MCC: variants seen among roughly 807,000 people sequenced by gnomAD.
MCC encodes the protein MCC regulator of Wnt signaling pathway, also known as colorectal mutant cancer protein.
MCC carries 90 observed loss-of-function variants against 116.2 expected under a neutral mutation model. The ratio of observed to expected loss-of-function variants is 0.77; its 90% CI spans 0.65 to 0.92. MCC has a LOEUF of 0.92. Ranked by LOEUF, MCC falls within the 40% of genes least tolerant of loss-of-function variation. MCC has a pLI of 0.00. For missense variants in MCC, 1,516 were observed against 1,312.2 expected (o/e 1.16, Z -2.40); for synonymous variants, 578 against 510.5 (o/e 1.13, Z -1.78).
In MCC at chr5:113,434,742, C is replaced by T. The variant is rs755838825; in HGVS notation, c.171-49530G>A. The T allele has an allele frequency of 2.6e-5, 42 of 1,613,938 alleles. No individual in the cohort carries two copies. Among genetic ancestry groups the T allele is most frequent in the Admixed American group, 2.2e-4 (13 of 59,998 alleles). On this transcript the variant is annotated intron_variant, in intron 1 of 18. Transcript: ENST00000408903. The surrounding 1 kb of genome is among the most constrained non-coding windows in gnomAD (Gnocchi z 4.2). ...CTTGATCGCCACATTGAACTTCAGG[C>T]GCTCAGAGTAAGCAGATTTTACTTT...
intron 1 of MCC, among the ~76,000 whole-genome samples, chr5:113,463,702 T>C (rs1561585900): frequency 6.6e-6 from 1 of 152,178 alleles, no homozygotes; most frequent in Non-Finnish European, 1.5e-5. Flanking sequence ...GTTGGGTCAA[T>C]TAGTTATGCA....
At chr5:113,214,257 G>C (rs972361696) in intron 3 of MCC, among the ~76,000 whole-genome samples, 2 of 152,182 alleles carry the variant, frequency 1.3e-5, no homozygotes, top group Non-Finnish European at 2.9e-5. Flanking sequence ...ACGGAGCTGA[G>C]AAACAGCCCC....
intron 1 of MCC, among the ~76,000 whole-genome samples, chr5:113,389,128 C>T (rs1455867964): frequency 6.6e-6 from 1 of 152,112 alleles, no homozygotes; most frequent in African/African-American, 2.4e-5. Context: ...GATGAGAAAA[C>T]AAAGTTACAG....
At position 113,340,694 on chromosome 5, in the gene MCC, T is replaced by C. The variant is rs934640671; in HGVS notation, c.452A>G (p.Asp151Gly). The change falls in exon 3 of 19, where the codon GAC (aspartate) becomes GGC (glycine). Residue 151 changes from aspartate (D) to glycine (G), a missense_variant. Transcript: ENST00000408903. ...GCTCTGGAGGTCCCTGGCACCAGAG[T>C]CGTATTCCCAGCTCTCCCTGGCTGC... ...LSAARESWEY[D>G]SGARDLQSPD... 1 of 1,613,630 alleles carries C rather than the reference T, an allele frequency of 6.2e-7. No homozygotes were observed. The highest frequency in any genetic ancestry group is 8.5e-7 in the Non-Finnish European group (1 of 1,179,956).
At chr5:113,261,060 G>A (rs1375614974) in intron 3 of MCC, among the ~76,000 whole-genome samples, 1 of 152,112 alleles carries the variant, frequency 6.6e-6, no homozygotes, top group Non-Finnish European at 1.5e-5. Context: ...GAAAGTTGTC[G>A]ACTTACGATG....
intron 3 of MCC, among the ~76,000 whole-genome samples, chr5:113,285,262 CTTT>C (rs1211703272): frequency 6.6e-6 from 1 of 152,162 alleles, no homozygotes; most frequent in Non-Finnish European, 1.5e-5. Flanking sequence ...AAAATACCTT[CTTT>C]AACTGGCTTT....
rs574593043 is a variant in MCC, at chr5:113,167,085, C to G, written c.628-15663G>C. ...GTGCAGCCCTGCCTGGGAGTTTGGT[C>G]GGCAGCCTCTCAAGATTCATTCCAG... On this transcript the variant is annotated intron_variant, in intron 3 of 18. Coordinates refer to ENST00000408903, the MANE Select transcript of MCC (RefSeq NM_001085377.2). 2.0e-5 allele frequency among the ~76,000 whole-genome samples: 3 copies of G among 152,248 alleles called. No individual in the cohort carries two copies. The South Asian group carries it at 6.2e-4, about 32-fold the overall frequency.
chr5:113,266,116 G>GA (rs998675333), intron 3 of MCC, among the ~76,000 whole-genome samples: 1 of 152,006 alleles, frequency 6.6e-6, no homozygotes, highest in African/African-American at 2.4e-5. Flanking sequence ...CAAATGCTAG[G>GA]AAAAACTGTT....
At chr5:113,367,637 G>GA (rs141627023) in intron 2 of MCC, among the ~76,000 whole-genome samples, 2 of 95,830 alleles carry the variant, frequency 2.1e-5, no homozygotes, top group Non-Finnish European at 4.0e-5. Context: ...GGTGGGGGGG[G>GA]GGAAGAGAGA....
intron 10 of MCC, among the ~76,000 whole-genome samples, chr5:113,083,411 C>T (rs147109271): frequency 1.1e-3 from 170 of 152,306 alleles, no homozygotes; most frequent in African/African-American, 3.9e-3. Flanking sequence ...TTCATTTTCA[C>T]AATTTGGCTT....
intron 2 of MCC, among the ~76,000 whole-genome samples, chr5:113,376,576 C>T (rs7732372): frequency 0.067 from 5,142 of 77,118 alleles, 137 homozygotes; most frequent in African/African-American, 0.21. Flanking sequence ...ATATTTTATA[C>T]ACACACACAC....
At chr5:113,138,789 C>T (rs1759001698) in intron 5 of MCC, among the ~76,000 whole-genome samples, 1 of 152,130 alleles carries the variant, frequency 6.6e-6, no homozygotes. Context: ...CTCTTTTCCC[C>T]ACTGCACACT....
intron 15 of MCC, among the ~76,000 whole-genome samples, chr5:113,053,270 C>T (rs189454407): frequency 7.4e-4 from 112 of 152,268 alleles, no homozygotes; most frequent in African/African-American, 2.5e-3. Flanking sequence ...TCTGAGCAGG[C>T]TCGACATTGC....
Position 113,144,361 on chromosome 5 carries a change from G to A in MCC, c.742-1001C>T, listed in dbSNP as rs888903118. Among the ~76,000 whole-genome samples, 9 of 152,282 alleles carry A rather than the reference G, an allele frequency of 5.9e-5. No individual in the cohort carries two copies. In the South Asian group the frequency reaches 1.0e-3, roughly 18 times the overall value. Reference sequence around the variant, plus strand: ...TGATGGAACAAGTAGCCTAGCTTGCGTCCTTGTCTACTACACTCGGCTTCG... The same window carrying A: ...TGATGGAACAAGTAGCCTAGCTTGCATCCTTGTCTACTACACTCGGCTTCG... On this transcript the variant is annotated intron_variant, in intron 4 of 18. Coordinates refer to ENST00000408903, the MANE Select transcript of MCC (RefSeq NM_001085377.2).
intron 5 of MCC, among the ~76,000 whole-genome samples, chr5:113,126,815 T>C (rs1394762862): frequency 1.3e-5 from 2 of 152,212 alleles, no homozygotes; most frequent in Non-Finnish European, 1.5e-5. Context: ...ATGAGCTATG[T>C]GTGGATTTTT....
chr5:113,144,445 C>G (rs1032610937), intron 4 of MCC, among the ~76,000 whole-genome samples: 3 of 152,212 alleles, frequency 2.0e-5, no homozygotes. Context: ...TTTCTTAGTG[C>G]CAAGAGCCAT....
Position 113,209,770 on chromosome 5 carries a change from G to C in MCC, c.628-58348C>G, listed in dbSNP as rs140928677. On this transcript the variant is annotated intron_variant, in intron 3 of 18. Coordinates refer to ENST00000408903, the MANE Select transcript of MCC (RefSeq NM_001085377.2). The stretch of plus-strand genomic sequence containing the variant: ...CCTACAGGGAATCGTGTACTTCCTG[G>C]GATGTCATGTTTATGGTCGGGCTCC... 1.7e-3 allele frequency among the ~76,000 whole-genome samples: 264 copies of C among 152,112 alleles called. 2 individuals are homozygous for C. The highest frequency in any genetic ancestry group is 5.8e-3 in the African/African-American group (239 of 41,476).
rs4073121 is a variant in MCC, at chr5:113,040,864, T to G, written c.2756+2666A>C. Among the ~76,000 whole-genome samples, 30 of 152,346 alleles carry G rather than the reference T, an allele frequency of 2.0e-4. No individual in the cohort carries two copies. In the South Asian group the frequency reaches 2.5e-3, roughly 13 times the overall value. On this transcript the variant is annotated intron_variant, in intron 17 of 18. Transcript: ENST00000408903. ...TGACAGAACAAATGAAGTCTCTTTA[T>G]GTTTAGTCAGCACAATCTGCATCTT...
intron 3 of MCC, among the ~76,000 whole-genome samples, chr5:113,175,567 G>T (rs1041725314): frequency 6.6e-6 from 1 of 152,056 alleles, no homozygotes; most frequent in East Asian, 1.9e-4. Flanking sequence ...AGTAGTGACA[G>T]ATAAATAGAT....
Sources: gnomAD v4.1 joint callset for allele counts (sites outside exome capture counted in the v4.1 genomes callset) on GRCh38, gnomAD v4.1.1 for gene constraint, Gnocchi (gnomAD v3.1) non-coding constraint, MANE v1.5 for transcripts, NCBI Gene and HGNC (gene_info 2026-07-23, HGNC 2026-07-21) for gene names.